Variants in MAF observed in about 807,000 individuals in gnomAD.
MAF encodes the protein transcription factor Maf.
Under a neutral mutation model 22.0 loss-of-function variants are expected in MAF, and 10 were observed. The ratio of observed to expected loss-of-function variants is 0.45; its 90% CI spans 0.28 to 0.77. The LOEUF (loss-of-function observed/expected upper bound fraction) is 0.77, where lower values mean the gene tolerates loss of function less well. MAF is among the 30% of genes least tolerant of loss of function. The pLI is 0.12. For missense variants in MAF, 544 were observed against 548.4 expected, an observed-to-expected ratio of 0.99 and a Z score of 0.08; for synonymous variants, 337 against 255.8, an observed-to-expected ratio of 1.32 and a Z score of -3.03.
At chr16:79,588,059 G>A (rs1173890939) in intron 1 of MAF, among the ~76,000 whole-genome samples, 2 of 152,176 alleles carry the variant, frequency 1.3e-5, no homozygotes, top group Non-Finnish European at 1.5e-5. Context: ...ACATGTCTAC[G>A]AGCACATAGC....
chr16:79,277,587 C>T, the MAF span, among the ~76,000 whole-genome samples: 1 of 152,136 alleles, frequency 6.6e-6, no homozygotes, highest in Admixed American at 6.5e-5. Context: ...ATTGTATCTG[C>T]TAACAGAGGA....
At chr16:79,562,323 T>G in the MAF span, among the ~76,000 whole-genome samples, 3 of 152,200 alleles carry the variant, frequency 2.0e-5, no homozygotes, top group African/African-American at 7.2e-5. Context: ...TTCCCATTGA[T>G]AGTCCCAGCA....
chr16:79,445,209 A>ATT, the MAF span, among the ~76,000 whole-genome samples: 1 of 145,234 alleles, frequency 6.9e-6, no homozygotes, highest in African/African-American at 2.6e-5. Context: ...AATTTTTTGT[A>ATT]TTTTTTTTTT....
chr16:79,478,446 G>T, the MAF span, among the ~76,000 whole-genome samples: 1 of 152,116 alleles, frequency 6.6e-6, no homozygotes, highest in Admixed American at 6.5e-5. Flanking sequence ...ATGGCTACCG[G>T]GTTCCAACAG....
the MAF span, among the ~76,000 whole-genome samples, chr16:79,484,601 G>T: frequency 2.6e-5 from 4 of 152,172 alleles, no homozygotes; most frequent in Non-Finnish European, 4.4e-5. Context: ...CCTTGGAAAA[G>T]GCCCAGGGCA....
At chr16:79,361,909 C>A in the MAF span, among the ~76,000 whole-genome samples, 2 of 152,190 alleles carry the variant, frequency 1.3e-5, no homozygotes, top group Admixed American at 1.3e-4. Context: ...GTTTGTCCTG[C>A]AAGCACTGGG....
At chr16:79,369,016 C>T in the MAF span, among the ~76,000 whole-genome samples, 1 of 152,200 alleles carries the variant, frequency 6.6e-6, no homozygotes, top group Non-Finnish European at 1.5e-5. Flanking sequence ...TGTCTATCCG[C>T]TTTGTTCTTT....
chr16:79,532,428 G>A, the MAF span, among the ~76,000 whole-genome samples: 1 of 152,328 alleles, frequency 6.6e-6, no homozygotes, highest in Non-Finnish European at 1.5e-5. Flanking sequence ...TGTGCAGTGA[G>A]TAAGAAGCTG....
At chr16:79,507,804 G>T in the MAF span, among the ~76,000 whole-genome samples, 6 of 152,186 alleles carry the variant, frequency 3.9e-5, no homozygotes, top group Non-Finnish European at 7.3e-5. Context: ...TGCAATAAGG[G>T]TTGCCAAATA....
At chr16:79,547,936 G>GAC in the MAF span, among the ~76,000 whole-genome samples, 8 of 37,278 alleles carry the variant, frequency 2.1e-4, no homozygotes, top group African/African-American at 5.5e-4. Flanking sequence ...GAGAGAGAGA[G>GAC]AGAGAGAATA....
chr16:79,598,729 G>T, intron 1 of MAF, 56 bp downstream of exon 1: 1 of 1,610,608 alleles, frequency 6.2e-7, no homozygotes, highest in Non-Finnish European at 8.5e-7. Flanking sequence ...CACCCGAGCC[G>T]GACCCCCGCG....
the MAF span, among the ~76,000 whole-genome samples, chr16:79,541,368 G>A: frequency 3.3e-5 from 5 of 151,974 alleles, no homozygotes; most frequent in Admixed American, 6.5e-5. Context: ...ATTTGTACCC[G>A]TAACCCAAAC....
At chr16:79,584,855 C>A (rs1158353933), downstream of MAF, among the ~76,000 whole-genome samples, 1 of 152,140 alleles carries the variant, frequency 6.6e-6, no homozygotes, top group Non-Finnish European at 1.5e-5. Context: ...CTCATGGTAG[C>A]ACCGTGTAGA....
the MAF span, among the ~76,000 whole-genome samples, chr16:79,399,891 A>T: frequency 1.3e-5 from 2 of 152,236 alleles, no homozygotes; most frequent in Non-Finnish European, 2.9e-5. Flanking sequence ...CTAGTTGGAC[A>T]ATAAATTACG....
chr16:79,235,294 G>C, the MAF span, among the ~76,000 whole-genome samples: 3 of 151,950 alleles, frequency 2.0e-5, no homozygotes, highest in Non-Finnish European at 4.4e-5. Flanking sequence ...GTCACACATA[G>C]TGAATAAAGA....
chr16:79,257,771 G>T, the MAF span, among the ~76,000 whole-genome samples: 1 of 152,210 alleles, frequency 6.6e-6, no homozygotes, highest in African/African-American at 2.4e-5. Context: ...CTAGAATCAT[G>T]TTCAAGAAGA....
At chr16:79,279,146 G>C in the MAF span, among the ~76,000 whole-genome samples, 1 of 152,166 alleles carries the variant, frequency 6.6e-6, no homozygotes, top group Non-Finnish European at 1.5e-5. Context: ...TCAGGAATCA[G>C]ATGACTTCTC....
the MAF span, among the ~76,000 whole-genome samples, chr16:79,298,753 G>C: frequency 1.3e-5 from 2 of 152,252 alleles, no homozygotes; most frequent in African/African-American, 4.8e-5. Flanking sequence ...TGAAGCCAGG[G>C]CAGAGCGGAC....
chr16:79,359,137 T>G, the MAF span, among the ~76,000 whole-genome samples: 1 of 152,226 alleles, frequency 6.6e-6, no homozygotes, highest in Non-Finnish European at 1.5e-5. Flanking sequence ...TTCCAAATCT[T>G]TCTCTCTCCA....
Sources: allele counts gnomAD v4.1 joint callset (sites outside exome capture counted in the v4.1 genomes callset), GRCh38; gene constraint gnomAD v4.1.1; transcripts MANE v1.5; gene names NCBI Gene and HGNC (gene_info 2026-07-23, HGNC 2026-07-21).